CD38: variants seen among roughly 807,000 people sequenced by gnomAD.
CD38 encodes CD38 molecule, also known as ADP-ribosyl cyclase/cyclic ADP-ribose hydrolase 1.
In CD38, 31 loss-of-function variants were observed where a neutral mutation model predicts 36.3. That is an observed-to-expected ratio of 0.85 (90% CI 0.64 to 1.15). The LOEUF (loss-of-function observed/expected upper bound fraction) is 1.15. Ranked by LOEUF, CD38 falls within the 50% of genes most tolerant of loss-of-function variation. CD38 has a pLI of 0.00. For missense variants in CD38, 380 were observed against 371.9 expected (o/e 1.02, Z -0.18); for synonymous variants, 131 against 135.2 (o/e 0.97, Z 0.22).
chr4:15,826,496 C>CA, intron 3 of CD38, among the ~76,000 whole-genome samples: 1 of 149,736 alleles, frequency 6.7e-6, no homozygotes, highest in South Asian at 2.1e-4. Flanking sequence ...CACACACACA[C>CA]ACCTGCATAC....
At chr4:15,787,189 G>A (rs960091367) in intron 1 of CD38, among the ~76,000 whole-genome samples, 6 of 152,268 alleles carry the variant, frequency 3.9e-5, no homozygotes, top group South Asian at 2.1e-4. Flanking sequence ...CCTCAAGCAC[G>A]GCCAGAGTGG....
At chr4:15,816,776 G>A (rs1422712853) in intron 2 of CD38, 136 bp downstream of exon 2, 1 of 907,438 alleles carries the variant, frequency 1.1e-6, no homozygotes, top group East Asian at 2.6e-5. Context: ...TGGTAGGAAT[G>A]GAATTTGCAG....
chr4:15,840,212 C>A, intron 6 of CD38, 94 bp downstream of exon 6: 1 of 924,608 alleles, frequency 1.1e-6, no homozygotes, highest in Non-Finnish European at 1.8e-6. Flanking sequence ...CAAATTGACT[C>A]AGGAAATGAA....
chr4:15,848,671 A>T lies in CD38; in HGVS notation c.*69A>T, dbSNP rs80225519. On this transcript the variant is annotated 3_prime_UTR_variant, in exon 8 of 8. Coordinates refer to ENST00000226279, the MANE Select transcript of CD38 (RefSeq NM_001775.4). ...TATGTCATCATACATGACTCAGCAT[A>T]CCTGCTGGTGCAGAGCTGAAGATTT... is the stretch of plus-strand genomic sequence containing the variant. The T allele has an allele frequency of 8.1e-5, 105 of 1,298,220 alleles. No homozygotes were observed. The highest frequency in any genetic ancestry group is 1.1e-4 in the Non-Finnish European group (96 of 895,764). The allele number at this position is 1,298,220 out of a possible 1,614,324, so 80.4% of individuals were successfully genotyped here. A position where few individuals can be genotyped will look rare whatever the true frequency, so the allele number is the denominator to read the frequency against.
chr4:15,785,344 T>C (rs1722791973), intron 1 of CD38, among the ~76,000 whole-genome samples: 1 of 152,070 alleles, frequency 6.6e-6, no homozygotes, highest in Non-Finnish European at 1.5e-5. Flanking sequence ...AAAGGCTCAG[T>C]GGGAAACAAC....
intron 1 of CD38, among the ~76,000 whole-genome samples, chr4:15,786,272 T>G (rs552871100): frequency 6.6e-6 from 1 of 152,230 alleles, no homozygotes; most frequent in Non-Finnish European, 1.5e-5. Flanking sequence ...ACCCACATCC[T>G]GCTGATTGGT....
Position 15,848,597 on chromosome 4 carries a change from A to T in CD38, c.898A>T (p.Ile300Phe), listed in dbSNP as rs747945401. The T allele has an allele frequency of 1.2e-5, 19 of 1,613,454 alleles. No homozygotes were observed. In the East Asian group the frequency reaches 4.2e-4, roughly 36 times the overall value. ...NPEDSSCTSEI is the reference protein window; with the variant it reads ...NPEDSSCTSEF Reference sequence around the variant, plus strand: ...TGAGGATTCATCTTGCACATCTGAGATCTGAGCCAGTCGCTGTGGTTGTTT... The same window carrying T: ...TGAGGATTCATCTTGCACATCTGAGTTCTGAGCCAGTCGCTGTGGTTGTTT... The change falls in exon 8 of 8, where the codon ATC (isoleucine) becomes TTC (phenylalanine). Residue 300 changes from isoleucine to phenylalanine, a missense_variant. Ile to Phe is a conservative substitution (Grantham distance 21, BLOSUM62 0). Transcript: ENST00000226279.
In CD38 at chr4:15,778,458, G is replaced by A; in HGVS notation, c.44G>A (p.Cys15Tyr). Reference protein sequence around the residue: ...EFSPVSGDKPCCRLSRRAQLC... With the variant: ...EFSPVSGDKPYCRLSRRAQLC... The stretch of plus-strand genomic sequence containing the variant: ...AGCCCGGTGTCCGGGGACAAACCCT[G>A]CTGCCGGCTCTCTAGGAGAGCCCAA... Residue 15 changes from cysteine to tyrosine, a missense_variant, in exon 1 of 8, where the codon TGC (cysteine) becomes TAC (tyrosine). Physicochemically the swap from Cys to Tyr is radical, Grantham distance 194. Transcript: ENST00000226279. The surrounding 1 kb of genome is among the most constrained non-coding windows in gnomAD (Gnocchi z 4.9). 6.2e-7 allele frequency: 1 copy of A among 1,613,964 alleles called. No individual in the cohort carries two copies. Among genetic ancestry groups the A allele is most frequent in the South Asian group, 1.1e-5 (1 of 91,078 alleles).
intron 2 of CD38, among the ~76,000 whole-genome samples, chr4:15,822,404 C>G (rs1360162974): frequency 1.3e-5 from 2 of 152,140 alleles, no homozygotes; most frequent in Non-Finnish European, 2.9e-5. Context: ...ATAAAATTGT[C>G]TTTGTTTGCA....
chr4:15,784,747 G>A (rs1722773723), intron 1 of CD38, among the ~76,000 whole-genome samples: 1 of 152,088 alleles, frequency 6.6e-6, no homozygotes, highest in South Asian at 2.1e-4. Flanking sequence ...CCTACCTTTT[G>A]TTCTGGGGTT....
intron 3 of CD38, chr4:15,825,365 C>T: frequency 4.0e-6 from 1 of 246,998 alleles, no homozygotes; most frequent in Non-Finnish European, 8.0e-6. Flanking sequence ...AAGGAGAGGT[C>T]AGGGGAGGTG....
intron 1 of CD38, among the ~76,000 whole-genome samples, chr4:15,790,424 G>C (rs148793194): frequency 7.9e-6 from 1 of 126,650 alleles, no homozygotes; most frequent in Non-Finnish European, 1.7e-5. Flanking sequence ...GTGATCCGCC[G>C]GCCTCGGCCT....
chr4:15,826,298 A>G lies in CD38; in HGVS notation c.499+1282A>G, dbSNP rs147048931. Among the ~76,000 whole-genome samples the G allele has an allele frequency of 5.5e-3, 840 of 152,278 alleles. 7 individuals carry two copies. The highest frequency in any genetic ancestry group is 0.019 in the African/African-American group (784 of 41,556). On this transcript the variant is annotated intron_variant, in intron 3 of 7. Transcript: ENST00000226279. Reference sequence around the variant, plus strand: ...GTAAACATATATATTTAAAATGTACACGCGCTGTTGTGCAACTTGCTTTAT... The same window carrying G: ...GTAAACATATATATTTAAAATGTACGCGCGCTGTTGTGCAACTTGCTTTAT...
chr4:15,839,859 G>A (rs971262685), intron 5 of CD38, among the ~76,000 whole-genome samples, 167 bp from the exon 6 acceptor site: 10 of 152,172 alleles, frequency 6.6e-5, no homozygotes, highest in Admixed American at 2.0e-4. Flanking sequence ...CTTGTTAACC[G>A]AGGGTCATGC....
intron 1 of CD38, among the ~76,000 whole-genome samples, chr4:15,798,614 T>C (rs1723149782): frequency 6.6e-6 from 1 of 152,224 alleles, no homozygotes; most frequent in South Asian, 2.1e-4. Flanking sequence ...AGAAATCTTC[T>C]GGAGAGTACG....
At chr4:15,821,039 T>A (rs545240654) in intron 2 of CD38, among the ~76,000 whole-genome samples, 1 of 152,266 alleles carries the variant, frequency 6.6e-6, no homozygotes, top group East Asian at 1.9e-4. Flanking sequence ...AGAAACTCAC[T>A]GAAAACCATG....
At chr4:15,794,699 T>G (rs889683032) in intron 1 of CD38, among the ~76,000 whole-genome samples, 1 of 152,154 alleles carries the variant, frequency 6.6e-6, no homozygotes, top group African/African-American at 2.4e-5. Context: ...CAAGAGGTTT[T>G]GCTGGCCAGG....
In CD38 at chr4:15,849,416, A is replaced by G. The variant is rs1418177569; in HGVS notation, c.*814A>G. 6.6e-6 allele frequency: 1 copy of G among 152,214 alleles called. No homozygotes were observed. The highest frequency in any genetic ancestry group is 2.4e-5 in the African/African-American group (1 of 41,462). The allele number at this position is 152,214 out of a possible 1,614,324, so 9.4% of individuals were successfully genotyped here. On this transcript the variant is annotated 3_prime_UTR_variant, in exon 8 of 8. Transcript: ENST00000226279. ...CTTCTAGGCCTTTCATACCAAACTAATAGTAGTTTATATTCTCTTCCAACA... is the reference window on the plus strand; with the variant it reads ...CTTCTAGGCCTTTCATACCAAACTAGTAGTAGTTTATATTCTCTTCCAACA...
rs1724335551 is a variant in CD38 at position 15,849,270 on chromosome 4, G to C, written c.*668G>C. 1 of 152,110 alleles carries C rather than the reference G, an allele frequency of 6.6e-6. No homozygotes were observed. The highest frequency in any genetic ancestry group is 1.5e-5 in the Non-Finnish European group (1 of 68,020). 9.4% of individuals were successfully genotyped at this position (152,110 alleles called of 1,614,324 possible). ...GCAAGTTTTGCCACCGAAAGGAATG[G>C]CAAAACCACAATTATTTTTGAACCA... On this transcript the variant is annotated 3_prime_UTR_variant, in exon 8 of 8. Coordinates refer to ENST00000226279, the MANE Select transcript of CD38 (RefSeq NM_001775.4).
Sources: allele counts gnomAD v4.1 joint callset (sites outside exome capture counted in the v4.1 genomes callset), GRCh38; gene constraint gnomAD v4.1.1; non-coding constraint Gnocchi (gnomAD v3.1); transcripts MANE v1.5; gene names NCBI Gene and HGNC (gene_info 2026-07-23, HGNC 2026-07-21).